LRFN5: variants seen among roughly 807,000 people sequenced by gnomAD.
The protein encoded by LRFN5 is leucine rich repeat and fibronectin type III domain containing 5.
A neutral mutation model predicts 45.6 loss-of-function variants in LRFN5; 24 were observed. That is an observed-to-expected ratio of 0.53 (90% CI 0.38 to 0.74). The LOEUF is 0.74. Among genes scored for constraint, LRFN5 ranks in the 30% least tolerant of loss-of-function variants. LRFN5 has a pLI of 0.00. For synonymous variants in LRFN5, 340 were observed against 313.8 expected (o/e 1.08, Z -0.88); for missense variants, 776 against 861.5 (o/e 0.90, Z 1.24).
chr14:41,626,199 T>G (rs958744049), intron 1 of LRFN5, among the ~76,000 whole-genome samples: 2 of 152,120 alleles, frequency 1.3e-5, no homozygotes, highest in Non-Finnish European at 2.9e-5. Context: ...TAACGGATTA[T>G]TATTATAGGT....
intron 4 of LRFN5, 132 bp downstream of exon 4, chr14:41,892,094 T>C (rs1221621783): frequency 1.0e-5 from 15 of 1,451,610 alleles, no homozygotes; most frequent in Non-Finnish European, 1.2e-5. Flanking sequence ...AAGAAGCATG[T>C]CTATGAATGT....
At chr14:41,885,977 C>T (rs537244477) in intron 2 of LRFN5, among the ~76,000 whole-genome samples, 166 of 143,078 alleles carry the variant, frequency 1.2e-3, no homozygotes, top group African/African-American at 4.3e-3. Flanking sequence ...GCCAAGATCA[C>T]GCCACTGCAC....
intron 2 of LRFN5, among the ~76,000 whole-genome samples, chr14:41,790,370 G>GTCCTTTAA (rs1886875839): frequency 6.7e-6 from 1 of 149,894 alleles, no homozygotes; most frequent in Non-Finnish European, 1.5e-5. Context: ...TGTTCATTTT[G>GTCCTTTAA]TCCTTTAAAG....
chr14:41,648,996 C>T (rs986995331), intron 1 of LRFN5, among the ~76,000 whole-genome samples: 10 of 152,166 alleles, frequency 6.6e-5, no homozygotes, highest in African/African-American at 2.2e-4. Flanking sequence ...AGGCTGGGCG[C>T]GCTGGCTTGC....
chr14:41,725,086 G>A (rs1003560956), intron 1 of LRFN5, among the ~76,000 whole-genome samples: 11 of 152,122 alleles, frequency 7.2e-5, no homozygotes, highest in African/African-American at 2.4e-4. Flanking sequence ...GTAAATAGGA[G>A]CCTAGTACTA....
At chr14:41,814,455 C>T (rs1421887705) in intron 2 of LRFN5, among the ~76,000 whole-genome samples, 2 of 152,082 alleles carry the variant, frequency 1.3e-5, no homozygotes, top group Admixed American at 6.6e-5. Flanking sequence ...ACCCTATTTA[C>T]AAAGATTTAC....
At chr14:41,767,367 C>A (rs548607861) in intron 2 of LRFN5, among the ~76,000 whole-genome samples, 2 of 151,840 alleles carry the variant, frequency 1.3e-5, no homozygotes, top group Non-Finnish European at 2.9e-5. Context: ...TAAAAAGGTT[C>A]AAAATGACCA....
chr14:41,660,987 C>G (rs546593058), intron 1 of LRFN5, among the ~76,000 whole-genome samples: 62 of 151,146 alleles, frequency 4.1e-4, no homozygotes, highest in African/African-American at 1.4e-3. Context: ...TATATTTTTG[C>G]ACCCTTGCAT....
chr14:41,687,556 T>G (rs957391617), intron 1 of LRFN5, among the ~76,000 whole-genome samples: 3 of 152,234 alleles, frequency 2.0e-5, no homozygotes, highest in Admixed American at 1.3e-4. Context: ...ATTGCAGCAT[T>G]ATTTACAATA....
At chr14:41,660,950 G>T (rs1228282325) in intron 1 of LRFN5, among the ~76,000 whole-genome samples, 2 of 151,176 alleles carry the variant, frequency 1.3e-5, no homozygotes, top group Non-Finnish European at 2.9e-5. Context: ...AATAGCTATA[G>T]CTCCAATCTT....
intron 3 of LRFN5, among the ~76,000 whole-genome samples, chr14:41,890,433 C>A (rs1276109906): frequency 6.6e-6 from 1 of 151,924 alleles, no homozygotes; most frequent in Non-Finnish European, 1.5e-5. Flanking sequence ...TCAGGCCGGG[C>A]GCGGTGGCTC....
At chr14:41,724,860 G>C (rs74046686) in intron 1 of LRFN5, among the ~76,000 whole-genome samples, 6,825 of 152,050 alleles carry the variant, frequency 0.045, 340 homozygotes, top group African/African-American at 0.12. Context: ...TTTTCCTACT[G>C]TTTGAACTTT....
intron 2 of LRFN5, among the ~76,000 whole-genome samples, chr14:41,807,424 A>G (rs1292584118): frequency 6.6e-6 from 1 of 152,148 alleles, no homozygotes; most frequent in East Asian, 1.9e-4. Flanking sequence ...TTTATGTGTA[A>G]TACACTTTTA....
intron 2 of LRFN5, among the ~76,000 whole-genome samples, chr14:41,801,243 A>G (rs1887320031): frequency 6.6e-6 from 1 of 152,106 alleles, no homozygotes; most frequent in Non-Finnish European, 1.5e-5. Flanking sequence ...AAATGGAACA[A>G]CAATCCTCCC....
intron 2 of LRFN5, among the ~76,000 whole-genome samples, chr14:41,803,074 AC>A (rs764162762): frequency 2.0e-5 from 3 of 152,202 alleles, no homozygotes; most frequent in Non-Finnish European, 4.4e-5. Context: ...CCCAAAACAA[AC>A]AAACAAAATA....
intron 2 of LRFN5, among the ~76,000 whole-genome samples, chr14:41,815,347 ATATAGCTACTCTTGCT>A (rs1887880840): frequency 6.6e-6 from 1 of 152,144 alleles, no homozygotes; most frequent in African/African-American, 2.4e-5. Flanking sequence ...TTTGAAATCA[ATATAGCTACTCTTGCT>A]TTCTTTGGAT....
rs1468926175 is a variant in LRFN5, at chr14:41,813,525, C to T, written c.-21+46496C>T. Among the ~76,000 whole-genome samples, 11 of 152,248 alleles carry T rather than the reference C, an allele frequency of 7.2e-5. No individual in the cohort carries two copies. In the South Asian group the frequency reaches 2.3e-3, roughly 32 times the overall value. ...CATGTCCCTACAAAGGACATGAACT[C>T]ACTCTTTTTTATGGCTGCATAGTAT... On this transcript the variant is annotated intron_variant, in intron 2 of 5. Coordinates refer to ENST00000298119, the MANE Select transcript of LRFN5 (RefSeq NM_152447.5).
rs577516364 is a variant in LRFN5, at chr14:41,802,767, C to A, written c.-21+35738C>A. 4.0e-5 allele frequency among the ~76,000 whole-genome samples: 6 copies of A among 151,772 alleles called. No individual in the cohort carries two copies. The East Asian group carries it at 1.2e-3, about 29-fold the overall frequency. On this transcript the variant is annotated intron_variant, in intron 2 of 5. Transcript: ENST00000298119. Reference sequence around the variant, plus strand: ...TTTTCCTTTTCTGTAGCTTTAGGCTCCAAAAATATCACTTACTCAGAGTTT... The same window carrying A: ...TTTTCCTTTTCTGTAGCTTTAGGCTACAAAAATATCACTTACTCAGAGTTT...
At chr14:41,706,002 C>T (rs1883048176) in intron 1 of LRFN5, among the ~76,000 whole-genome samples, 1 of 152,154 alleles carries the variant, frequency 6.6e-6, no homozygotes, top group Admixed American at 6.5e-5. Context: ...CATAATAAAC[C>T]TGGCAATAAT....
Sources: allele counts gnomAD v4.1 joint callset (sites outside exome capture counted in the v4.1 genomes callset), GRCh38; gene constraint gnomAD v4.1.1; transcripts MANE v1.5; gene names NCBI Gene and HGNC (gene_info 2026-07-23, HGNC 2026-07-21).